The following EFNA5 variants were observed in gnomAD, a reference collection of about 807,000 sequenced individuals.
The protein encoded by EFNA5 is ephrin A5, also known as ephrin-A5.
Under a neutral mutation model 22.9 loss-of-function variants are expected in EFNA5, and 5 were observed. The observed-to-expected ratio is 0.22, with a 90% CI of 0.11 to 0.46. The LOEUF is 0.46. EFNA5 is among the 20% of genes least tolerant of loss of function. The pLI, the probability that EFNA5 is intolerant of heterozygous loss-of-function variation, is 0.99. For synonymous variants in EFNA5, 113 were observed against 112.2 expected (o/e 1.01, Z -0.04); for missense variants, 237 against 293.3 (o/e 0.81, Z 1.40).
chr5:107,485,460 C>T (rs760523155), intron 1 of EFNA5, among the ~76,000 whole-genome samples: 4 of 152,154 alleles, frequency 2.6e-5, no homozygotes, highest in Non-Finnish European at 5.9e-5. Context: ...AGTCCTATTA[C>T]TACTGAATGA....
At chr5:107,382,426 A>C (rs1747493650) in intron 4 of EFNA5, among the ~76,000 whole-genome samples, 1 of 152,012 alleles carries the variant, frequency 6.6e-6, no homozygotes, top group African/African-American at 2.4e-5. Context: ...AGGCTGGAGT[A>C]CAGTGGCCCA....
chr5:107,403,862 C>T (rs1037019143), intron 2 of EFNA5, among the ~76,000 whole-genome samples: 2 of 152,080 alleles, frequency 1.3e-5, no homozygotes, highest in Non-Finnish European at 2.9e-5. Context: ...TTGTGCAGAG[C>T]TATTTTAAAA....
At chr5:107,434,892 T>C (rs1195047624) in intron 1 of EFNA5, among the ~76,000 whole-genome samples, 1 of 152,236 alleles carries the variant, frequency 6.6e-6, no homozygotes, top group Non-Finnish European at 1.5e-5. Context: ...AAATCCAATG[T>C]CACTTCTTTA....
intron 1 of EFNA5, among the ~76,000 whole-genome samples, chr5:107,454,211 A>T (rs1749633276): frequency 6.6e-6 from 1 of 152,230 alleles, no homozygotes; most frequent in African/African-American, 2.4e-5. Context: ...GAAGTCATAC[A>T]ATTCTACAAG....
chr5:107,546,733 T>C (rs913825306), intron 1 of EFNA5, among the ~76,000 whole-genome samples: 7 of 151,922 alleles, frequency 4.6e-5, no homozygotes, highest in Non-Finnish European at 1.0e-4. Context: ...AATAAAATAC[T>C]GTGGCCATGC....
chr5:107,385,456 T>C (rs1747589474), intron 4 of EFNA5, among the ~76,000 whole-genome samples: 1 of 152,224 alleles, frequency 6.6e-6, no homozygotes, highest in Non-Finnish European at 1.5e-5. Context: ...ATCATAATCC[T>C]GGGTAATTTT....
Position 107,567,420 on chromosome 5 carries a change from A to C in EFNA5, c.125+103069T>G, listed in dbSNP as rs1242037923. On this transcript the variant is annotated intron_variant, in intron 1 of 4. Transcript: ENST00000333274. ...TCAATGACCTTGGGCTTACCCTTGT[A>C]CTAGAGGCAGAATGTGTGTGGGCAC... 3.3e-5 allele frequency among the ~76,000 whole-genome samples: 5 copies of C among 152,194 alleles called. No homozygotes were observed. In the South Asian group the frequency reaches 1.0e-3, roughly 32 times the overall value.
At chr5:107,435,555 T>C (rs542954764) in intron 1 of EFNA5, among the ~76,000 whole-genome samples, 1 of 152,286 alleles carries the variant, frequency 6.6e-6, no homozygotes, top group Admixed American at 6.5e-5. Flanking sequence ...AGTTTCACTG[T>C]TACCCCACCA....
At chr5:107,629,153 C>T (rs1750193740) in intron 1 of EFNA5, among the ~76,000 whole-genome samples, 2 of 151,976 alleles carry the variant, frequency 1.3e-5, no homozygotes, top group South Asian at 4.1e-4. Flanking sequence ...TTTAATAAAA[C>T]TAACATTTTA....
chr5:107,604,399 T>C (rs993483046), intron 1 of EFNA5, among the ~76,000 whole-genome samples: 3 of 151,952 alleles, frequency 2.0e-5, no homozygotes, highest in East Asian at 1.9e-4. Context: ...GAAGAGCACA[T>C]TGGTTGTGTG....
intron 1 of EFNA5, among the ~76,000 whole-genome samples, chr5:107,618,595 C>T (rs546280776): frequency 6.6e-6 from 1 of 152,280 alleles, no homozygotes; most frequent in South Asian, 2.1e-4. Flanking sequence ...GCACAGTTTT[C>T]CTGACAGTTT....
At chr5:107,564,847 G>A (rs1024346810) in intron 1 of EFNA5, among the ~76,000 whole-genome samples, 1 of 152,036 alleles carries the variant, frequency 6.6e-6, no homozygotes, top group South Asian at 2.1e-4. Context: ...CTAGCTGAAT[G>A]GGTTCCATAA....
intron 1 of EFNA5, among the ~76,000 whole-genome samples, chr5:107,635,875 T>G (rs140813260): frequency 6.6e-6 from 1 of 152,194 alleles, no homozygotes; most frequent in Non-Finnish European, 1.5e-5. Flanking sequence ...AACAAGGTCA[T>G]GCTAGTTCAC....
At chr5:107,461,957 T>C (rs1749846689) in intron 1 of EFNA5, among the ~76,000 whole-genome samples, 1 of 152,200 alleles carries the variant, frequency 6.6e-6, no homozygotes, top group Admixed American at 6.5e-5. Flanking sequence ...CGGTACTTTC[T>C]GCTTCAGGCT....
chr5:107,535,984 C>A (rs1455177689), intron 1 of EFNA5, among the ~76,000 whole-genome samples: 1 of 152,172 alleles, frequency 6.6e-6, no homozygotes, highest in Non-Finnish European at 1.5e-5. Context: ...CTCTTCCCTG[C>A]TGATTCCCTG....
chr5:107,392,087 T>C (rs1408179706), intron 2 of EFNA5, among the ~76,000 whole-genome samples: 4 of 152,204 alleles, frequency 2.6e-5, no homozygotes, highest in African/African-American at 9.7e-5. Context: ...GTAACATTCA[T>C]ACCACAATTC....
chr5:107,500,323 G>A (rs573481688), intron 1 of EFNA5, among the ~76,000 whole-genome samples: 33 of 152,182 alleles, frequency 2.2e-4, no homozygotes, highest in Non-Finnish European at 4.4e-4. Flanking sequence ...TCCCTACAAT[G>A]TATACGTATA....
At chr5:107,488,622 T>C (rs1387087366) in intron 1 of EFNA5, among the ~76,000 whole-genome samples, 2 of 152,170 alleles carry the variant, frequency 1.3e-5, no homozygotes, top group East Asian at 3.9e-4. Flanking sequence ...TTATTATGAC[T>C]CACTTCTTAA....
At chr5:107,589,945 C>T (rs775659877) in intron 1 of EFNA5, among the ~76,000 whole-genome samples, 6 of 152,166 alleles carry the variant, frequency 3.9e-5, no homozygotes, top group Non-Finnish European at 5.9e-5. Flanking sequence ...AGTGCTCCTG[C>T]CTTTTCTCAA....
Sources: gnomAD v4.1 joint callset for allele counts (sites outside exome capture counted in the v4.1 genomes callset) on GRCh38, gnomAD v4.1.1 for gene constraint, MANE v1.5 for transcripts, NCBI Gene and HGNC (gene_info 2026-07-23, HGNC 2026-07-21) for gene names.